RPS6KA5: variants seen among roughly 807,000 people sequenced by gnomAD.
RPS6KA5 encodes the protein ribosomal protein S6 kinase alpha-5.
A neutral mutation model predicts 85.5 loss-of-function variants in RPS6KA5; 27 were observed. That is an observed-to-expected ratio of 0.32 (90% CI 0.23 to 0.44). The LOEUF (loss-of-function observed/expected upper bound fraction) is 0.44. Ranked by LOEUF, RPS6KA5 falls within the 20% of genes least tolerant of loss-of-function variation. The pLI, the probability that RPS6KA5 is intolerant of heterozygous loss-of-function variation, is 1.00. For missense variants in RPS6KA5, 811 were observed against 980.9 expected (o/e 0.83, Z 2.31); for synonymous variants, 334 against 348.2 (o/e 0.96, Z 0.46).
intron 1 of RPS6KA5, among the ~76,000 whole-genome samples, chr14:91,012,426 A>G (rs2041298427): frequency 6.6e-6 from 1 of 152,238 alleles, no homozygotes; most frequent in Admixed American, 6.5e-5. Flanking sequence ...TGGTAATCCT[A>G]TCTTCCGAAC....
At chr14:90,920,460 T>C (rs1480198774) in intron 6 of RPS6KA5, 151 bp from the exon 7 acceptor site, 4 of 591,714 alleles carry the variant, frequency 6.8e-6, no homozygotes, top group Non-Finnish European at 1.2e-5. Flanking sequence ...AATTAACACA[T>C]GCAAGAAAGA....
chr14:91,032,993 G>A (rs937809941), intron 1 of RPS6KA5, among the ~76,000 whole-genome samples: 3 of 151,854 alleles, frequency 2.0e-5, no homozygotes, highest in Admixed American at 1.3e-4. Context: ...AGACCATCCT[G>A]GCTAATACGG....
In RPS6KA5 at chr14:90,956,964, GTTTTTTTT is replaced by G. The variant is rs61106740; in HGVS notation, c.395-9422_395-9415del. 3.4e-3 allele frequency among the ~76,000 whole-genome samples: 415 copies of G among 123,360 alleles called. 2 individuals are homozygous for G. Among genetic ancestry groups the G allele is most frequent in the Middle Eastern group, 0.017 (4 of 238 alleles). The allele number at this position is 123,360 out of a possible 152,430, so 80.9% of individuals were successfully genotyped here. On this transcript the variant is annotated intron_variant, in intron 3 of 16. Coordinates refer to ENST00000614987, the MANE Select transcript of RPS6KA5 (RefSeq NM_004755.4). ...TAGCCTTCCTACTTACTGTTTTTCT[GTTTTTTTT>G]TTTTTTTTTTTTTCCCAGTGAATTC...
At chr14:90,973,970 G>A (rs966377427) in intron 3 of RPS6KA5, among the ~76,000 whole-genome samples, 8 of 146,660 alleles carry the variant, frequency 5.5e-5, no homozygotes, top group African/African-American at 2.0e-4. Context: ...CCCAGGAGGT[G>A]GAGGCTGCAG....
chr14:90,973,090 G>A (rs1399302186), intron 3 of RPS6KA5, among the ~76,000 whole-genome samples: 1 of 152,244 alleles, frequency 6.6e-6, no homozygotes, highest in African/African-American at 2.4e-5. Context: ...CTCAAACAAT[G>A]CTGATGGGAA....
At chr14:91,045,283 T>C (rs2042822942) in intron 1 of RPS6KA5, among the ~76,000 whole-genome samples, 2 of 145,254 alleles carry the variant, frequency 1.4e-5, no homozygotes, top group African/African-American at 5.2e-5. Flanking sequence ...TTTTTTGAGA[T>C]GGAGTCTTGC....
At chr14:91,035,847 CAAAAAAAAAAAAAAAAAAA>C (rs199625173) in intron 1 of RPS6KA5, among the ~76,000 whole-genome samples, 9 of 69,908 alleles carry the variant, frequency 1.3e-4, no homozygotes, top group African/African-American at 4.0e-4. Context: ...CCCTCACCTT[CAAAAAAAAAAAAAAAAAAA>C]AAAAAAAAAA....
intron 14 of RPS6KA5, among the ~76,000 whole-genome samples, chr14:90,882,940 G>A (rs2033949387): frequency 6.6e-6 from 1 of 152,020 alleles, no homozygotes; most frequent in Non-Finnish European, 1.5e-5. Flanking sequence ...TGGGATTATA[G>A]GTGTGTGCCA....
At chr14:91,060,209 C>A in intron 1 of RPS6KA5, 123 bp downstream of exon 1, 1 of 959,602 alleles carries the variant, frequency 1.0e-6, no homozygotes, top group Non-Finnish European at 1.2e-6. Flanking sequence ...CGACGCCCCG[C>A]CCCAGGCCCG....
chr14:90,963,257 C>T (rs1466566108), intron 3 of RPS6KA5, among the ~76,000 whole-genome samples: 1 of 152,058 alleles, frequency 6.6e-6, no homozygotes, highest in African/African-American at 2.4e-5. Context: ...ATGATGTTAC[C>T]CTCACTACGA....
chr14:90,973,569 A>G (rs951896674), intron 3 of RPS6KA5, among the ~76,000 whole-genome samples: 24 of 152,114 alleles, frequency 1.6e-4, no homozygotes, highest in Admixed American at 1.1e-3. Flanking sequence ...AAGCATCCTC[A>G]TAAGAAAAGA....
chr14:90,885,552 CAAAAAAAAAAAAAA>C (rs780292114), intron 14 of RPS6KA5, among the ~76,000 whole-genome samples: 33 of 19,862 alleles, frequency 1.7e-3, no homozygotes, highest in African/African-American at 3.7e-3. Context: ...GACTCCGTCT[CAAAAAAAAAAAAAA>C]AAAAAAAAAA....
rs962881596 is a variant in RPS6KA5, at chr14:90,866,564, C to T, written c.*5510G>A. 5.9e-5 allele frequency: 9 copies of T among 152,292 alleles called. No individual in the cohort carries two copies. Among genetic ancestry groups the T allele is most frequent in the Non-Finnish European group, 1.3e-4 (9 of 68,016 alleles). 9.4% of individuals were successfully genotyped at this position (152,292 alleles called of 1,614,324 possible). A position where few individuals can be genotyped will look rare whatever the true frequency, so the allele number is the denominator to read the frequency against. ...AATGTTTTTCATCTTTTTTAATCTT[C>T]CATTTACCTTTTAGTAAGACAAATT... On this transcript the variant is annotated 3_prime_UTR_variant, in exon 17 of 17. Transcript: ENST00000614987.
At chr14:91,049,601 C>A (rs2042991864) in intron 1 of RPS6KA5, among the ~76,000 whole-genome samples, 1 of 151,452 alleles carries the variant, frequency 6.6e-6, no homozygotes, top group Admixed American at 6.6e-5. Flanking sequence ...GGCGACAGAG[C>A]AAGACTCTGT....
chr14:91,049,807 G>C (rs2043001404), intron 1 of RPS6KA5, among the ~76,000 whole-genome samples: 1 of 152,162 alleles, frequency 6.6e-6, no homozygotes, highest in South Asian at 2.1e-4. Context: ...CTACACACCT[G>C]GTATATGGTA....
intron 2 of RPS6KA5, among the ~76,000 whole-genome samples, chr14:90,983,289 A>G (rs990696710): frequency 1.6e-4 from 24 of 151,776 alleles, no homozygotes; most frequent in African/African-American, 5.1e-4. Flanking sequence ...AAAAAAAAAA[A>G]AAAGAAAGAA....
intron 1 of RPS6KA5, among the ~76,000 whole-genome samples, chr14:91,029,673 G>T (rs534601851): frequency 6.6e-6 from 1 of 152,180 alleles, no homozygotes; most frequent in Non-Finnish European, 1.5e-5. Context: ...GATTTGTTGT[G>T]GAGATAAGAA....
In RPS6KA5 at chr14:90,851,424, T is replaced by G. The variant is rs2031992018; in HGVS notation, c.*20650A>C. On this transcript the variant is annotated 3_prime_UTR_variant, in exon 17 of 17. Coordinates refer to ENST00000614987, the MANE Select transcript of RPS6KA5 (RefSeq NM_004755.4). ...ATTCTACCCATCTTTGGAATCAGTG[T>G]ACCTTATGGATTTTTTTAATCCTCT... 2 of 152,324 alleles carry G rather than the reference T, an allele frequency of 1.3e-5. No individual in the cohort carries two copies. The highest frequency in any genetic ancestry group is 4.1e-4 in the South Asian group (2 of 4,826). The allele number at this position is 152,324 out of a possible 1,614,324, so 9.4% of individuals were successfully genotyped here. A position where few individuals can be genotyped will look rare whatever the true frequency, so the allele number is the denominator to read the frequency against.
chr14:91,002,495 A>T (rs972066750), intron 1 of RPS6KA5, among the ~76,000 whole-genome samples: 1 of 152,166 alleles, frequency 6.6e-6, no homozygotes, highest in African/African-American at 2.4e-5. Flanking sequence ...TGTGCCAATA[A>T]GCAGTATAAG....
Sources: gnomAD v4.1 joint callset for allele counts (sites outside exome capture counted in the v4.1 genomes callset) on GRCh38, gnomAD v4.1.1 for gene constraint, MANE v1.5 for transcripts, NCBI Gene and HGNC (gene_info 2026-07-23, HGNC 2026-07-21) for gene names.